The following ZEB1 variants were observed in gnomAD, a reference collection of about 807,000 sequenced individuals.
ZEB1 encodes zinc finger E-box-binding homeobox 1.
In ZEB1, 21 loss-of-function variants were observed where a neutral mutation model predicts 84.9. The observed-to-expected ratio is 0.25, with a 90% confidence interval of 0.18 to 0.36. The LOEUF is 0.36. ZEB1 is among the 10% of genes least tolerant of loss of function. The pLI is 1.00. For missense variants in ZEB1, 1,104 were observed against 1,330.2 expected (o/e 0.83, Z 2.65); for synonymous variants, 420 against 471.1 (o/e 0.89, Z 1.41).
intron 1 of ZEB1, among the ~76,000 whole-genome samples, chr10:31,330,747 A>T (rs989481373): frequency 1.3e-4 from 20 of 152,102 alleles, no homozygotes; most frequent in Non-Finnish European, 2.1e-4. Flanking sequence ...TTGATTACAG[A>T]TGGGTTTATT....
At chr10:31,397,155 G>GTTT (rs898067735) in intron 1 of ZEB1, among the ~76,000 whole-genome samples, 101 of 121,472 alleles carry the variant, frequency 8.3e-4, no homozygotes, top group African/African-American at 2.1e-3. Flanking sequence ...TTCATCTTGG[G>GTTT]TTTTTTATTA....
Position 31,502,459 on chromosome 10 carries a change from A to G in ZEB1, c.434A>G (p.Glu145Gly), listed in dbSNP as rs2068287880. ...GCTGTCATTTTTCCTGAGGCACCTG[A>G]AGAGGACCAGAGGCAGGGCACACCA... ...DTAVIFPEAP[E>G]EDQRQGTPEA... Residue 145 changes from glutamate (E) to glycine (G), a missense_variant, in exon 4 of 9, where the codon GAA becomes GGA. Coordinates refer to ENST00000424869, the MANE Select transcript of ZEB1 (RefSeq NM_001174096.2). 4.3e-6 allele frequency: 7 copies of G among 1,613,828 alleles called. No homozygotes were observed. Among genetic ancestry groups the G allele is most frequent in the Non-Finnish European group, 8.5e-7 (1 of 1,179,854 alleles).
rs140386055 is a variant in ZEB1 at position 31,434,776 on chromosome 10, A to G, written c.59-26261A>G. On this transcript the variant is annotated intron_variant, in intron 1 of 8. Transcript: ENST00000424869. ...GAATAAAAAATAATACAAAAGCGCAAAGAACAAGAGTCAGGAAAGGTCAAG... is the reference window on the plus strand; with the variant it reads ...GAATAAAAAATAATACAAAAGCGCAGAGAACAAGAGTCAGGAAAGGTCAAG... 6.3e-3 allele frequency among the ~76,000 whole-genome samples: 952 copies of G among 152,304 alleles called. 8 individuals are homozygous for G. The highest frequency in any genetic ancestry group is 0.022 in the African/African-American group (909 of 41,554).
chr10:31,380,992 ATGAGT>A (rs1054538250), intron 1 of ZEB1, among the ~76,000 whole-genome samples: 3 of 152,186 alleles, frequency 2.0e-5, no homozygotes, highest in Admixed American at 6.6e-5. Context: ...ACTGTGAGTG[ATGAGT>A]TGAGCCTCAA....
intron 1 of ZEB1, among the ~76,000 whole-genome samples, chr10:31,345,003 TAA>T (rs911366777): frequency 3.3e-5 from 5 of 152,038 alleles, no homozygotes; most frequent in Non-Finnish European, 7.4e-5. Flanking sequence ...ATACAGAAAA[TAA>T]AAACATTTAA....
chr10:31,321,231 G>A, intron 1 of ZEB1: 1 of 1,189,278 alleles, frequency 8.4e-7, no homozygotes, highest in Non-Finnish European at 1.0e-6. Flanking sequence ...AAGCAGATAC[G>A]AAGATTTTTA....
intron 1 of ZEB1, among the ~76,000 whole-genome samples, chr10:31,334,106 CTGTT>C (rs1564493859): frequency 1.3e-5 from 2 of 151,868 alleles, no homozygotes; most frequent in Admixed American, 6.6e-5. Flanking sequence ...AAAATAATCT[CTGTT>C]AATGTGAGAA....
chr10:31,443,909 G>A (rs1460844244), intron 1 of ZEB1, among the ~76,000 whole-genome samples: 11 of 150,362 alleles, frequency 7.3e-5, no homozygotes, highest in Non-Finnish European at 1.3e-4. Flanking sequence ...ATGATTTATA[G>A]TCCTTTGGGT....
At chr10:31,474,148 G>A (rs551783001) in intron 2 of ZEB1, among the ~76,000 whole-genome samples, 81 of 152,222 alleles carry the variant, frequency 5.3e-4, no homozygotes, top group Non-Finnish European at 1.0e-3. Context: ...ACATAGGCAC[G>A]GGCAAGGACT....
chr10:31,342,603 G>C (rs2039595981), intron 1 of ZEB1, among the ~76,000 whole-genome samples: 1 of 152,092 alleles, frequency 6.6e-6, no homozygotes, highest in East Asian at 1.9e-4. Context: ...GAATAGAGAG[G>C]AACATTATGA....
intron 7 of ZEB1, among the ~76,000 whole-genome samples, chr10:31,523,497 C>T (rs1392580636): frequency 6.6e-6 from 1 of 152,144 alleles, no homozygotes; most frequent in Non-Finnish European, 1.5e-5. Flanking sequence ...CTTAGTGAAA[C>T]CCAGAATGAG....
intron 4 of ZEB1, among the ~76,000 whole-genome samples, chr10:31,507,888 C>T (rs1028224700): frequency 6.6e-6 from 1 of 151,756 alleles, no homozygotes; most frequent in Non-Finnish European, 1.5e-5. Context: ...TGTCATATTT[C>T]CTTCCTTTTT....
At chr10:31,321,408 A>G in intron 1 of ZEB1, 1 of 1,606,016 alleles carries the variant, frequency 6.2e-7, no homozygotes, top group Non-Finnish European at 8.5e-7. Flanking sequence ...CATTGTGGAG[A>G]GATGACTTGT....
chr10:31,377,797 C>T (rs1276392893), intron 1 of ZEB1, among the ~76,000 whole-genome samples: 1 of 151,526 alleles, frequency 6.6e-6, no homozygotes, highest in African/African-American at 2.4e-5. Context: ...AATAAAGTTT[C>T]AACATGTACT....
intron 1 of ZEB1, among the ~76,000 whole-genome samples, chr10:31,433,186 A>G (rs1260885935): frequency 6.6e-6 from 1 of 152,234 alleles, no homozygotes; most frequent in Non-Finnish European, 1.5e-5. Context: ...AACATCATGC[A>G]TTAGTTATTT....
At chr10:31,442,998 G>A (rs1451070586) in intron 1 of ZEB1, among the ~76,000 whole-genome samples, 2 of 152,128 alleles carry the variant, frequency 1.3e-5, no homozygotes, top group Non-Finnish European at 2.9e-5. Flanking sequence ...TATAGAATTA[G>A]GAGTGCTGGA....
intron 1 of ZEB1, chr10:31,361,089 A>C (rs1430830134): frequency 1.9e-6 from 3 of 1,611,846 alleles, no homozygotes; most frequent in Non-Finnish European, 2.5e-6. Context: ...AGACTTACAA[A>C]TTACAAGAAC....
upstream of ZEB1, chr10:31,319,199 A>T: frequency 2.6e-6 from 4 of 1,526,664 alleles, no homozygotes; most frequent in Non-Finnish European, 3.6e-6. Flanking sequence ...GAGGGGGAGG[A>T]GGTGACTCGA....
rs183759094 is a variant in ZEB1 at position 31,433,068 on chromosome 10, T to C, written c.59-27969T>C. On this transcript the variant is annotated intron_variant, in intron 1 of 8. Coordinates refer to ENST00000424869, the MANE Select transcript of ZEB1 (RefSeq NM_001174096.2). ...CACCAAGTAGCAGTTTCTTAAAGTTTAGTTGTGATGTAAAATATAAAACCA... is the reference window on the plus strand; with the variant it reads ...CACCAAGTAGCAGTTTCTTAAAGTTCAGTTGTGATGTAAAATATAAAACCA... 1.4e-3 allele frequency among the ~76,000 whole-genome samples: 207 copies of C among 152,338 alleles called. 1 individual carries two copies. The highest frequency in any genetic ancestry group is 4.5e-3 in the African/African-American group (189 of 41,578).
Sources: allele counts gnomAD v4.1 joint callset (sites outside exome capture counted in the v4.1 genomes callset), GRCh38; gene constraint gnomAD v4.1.1; transcripts MANE v1.5; gene names NCBI Gene and HGNC (gene_info 2026-07-23, HGNC 2026-07-21).